ACTR3C: variants seen among roughly 807,000 people sequenced by gnomAD.
ACTR3C encodes the protein actin-related protein 3C.
ACTR3C carries 18 observed loss-of-function variants against 26.3 expected under a neutral mutation model. The observed-to-expected ratio is 0.68, with a 90% CI of 0.47 to 1.01. ACTR3C has a LOEUF of 1.01. Ranked by LOEUF, ACTR3C falls within the 50% of genes least tolerant of loss-of-function variation. ACTR3C has a pLI of 0.00. For missense variants in ACTR3C, 184 were observed against 250.7 expected (o/e 0.73, Z 1.80); for synonymous variants, 55 against 94.5 (o/e 0.58, Z 2.42).
chr7:150,279,139 C>T (rs1011736460), intron 6 of ACTR3C, among the ~76,000 whole-genome samples: 4 of 151,500 alleles, frequency 2.6e-5, no homozygotes, highest in African/African-American at 9.7e-5. Flanking sequence ...CTCAACTCTA[C>T]AAAAAAAAAT....
the ACTR3C span, among the ~76,000 whole-genome samples, chr7:149,969,229 G>A: frequency 6.9e-6 from 1 of 145,150 alleles, no homozygotes; most frequent in Non-Finnish European, 1.5e-5. Context: ...GGGAAACAAT[G>A]CCATTGGAAA....
the ACTR3C span, among the ~76,000 whole-genome samples, chr7:149,920,338 G>A: frequency 2.0e-5 from 3 of 151,694 alleles, no homozygotes; most frequent in East Asian, 2.0e-4. Context: ...CCAGAGTCTC[G>A]CTTTGTCACC....
the ACTR3C span, among the ~76,000 whole-genome samples, chr7:149,964,449 T>A: frequency 6.6e-6 from 1 of 151,716 alleles, no homozygotes; most frequent in Non-Finnish European, 1.5e-5. Flanking sequence ...GGATAAAAAA[T>A]ATAGTGGGAG....
At chr7:150,161,725 A>G in the ACTR3C span, among the ~76,000 whole-genome samples, 1 of 152,188 alleles carries the variant, frequency 6.6e-6, no homozygotes, top group Non-Finnish European at 1.5e-5. Context: ...ATGTATGTTT[A>G]TTGCAGCACT....
chr7:150,145,437 G>T, the ACTR3C span, among the ~76,000 whole-genome samples: 1 of 151,372 alleles, frequency 6.6e-6, no homozygotes, highest in Non-Finnish European at 1.5e-5. Context: ...TAGGCCTTGT[G>T]GTCTTTAATC....
the ACTR3C span, among the ~76,000 whole-genome samples, chr7:150,058,028 T>A: frequency 2.6e-5 from 4 of 152,340 alleles, no homozygotes; most frequent in East Asian, 7.7e-4. Context: ...CCATACCTTG[T>A]CCCAGATTCG....
intron 3 of ACTR3C, among the ~76,000 whole-genome samples, chr7:150,290,604 A>G (rs1172330368): frequency 6.6e-6 from 1 of 152,230 alleles, no homozygotes; most frequent in East Asian, 1.9e-4. Context: ...ATTCATTCTA[A>G]TAGCTGCATC....
At chr7:150,042,444 G>C in the ACTR3C span, among the ~76,000 whole-genome samples, 1 of 148,300 alleles carries the variant, frequency 6.7e-6, no homozygotes, top group East Asian at 2.0e-4. Flanking sequence ...CCCCTGTGAT[G>C]AGGGTGCAAA....
chr7:149,967,324 G>T, the ACTR3C span, among the ~76,000 whole-genome samples: 16 of 151,832 alleles, frequency 1.1e-4, no homozygotes, highest in African/African-American at 3.1e-4. Context: ...CATAAGCCAC[G>T]GTGCCTGGCC....
the ACTR3C span, among the ~76,000 whole-genome samples, chr7:150,003,676 A>AGT: frequency 6.7e-6 from 1 of 149,344 alleles, no homozygotes; most frequent in Non-Finnish European, 1.5e-5. Context: ...TATATAGTGC[A>AGT]GTGTGTGTGG....
intron 6 of ACTR3C, among the ~76,000 whole-genome samples, chr7:150,253,091 C>T (rs1184147151): frequency 3.9e-5 from 6 of 152,118 alleles, no homozygotes; most frequent in Non-Finnish European, 5.9e-5. Flanking sequence ...ATGACGTGTA[C>T]TTGAAGACCA....
chr7:150,032,511 C>G, the ACTR3C span, among the ~76,000 whole-genome samples: 1 of 152,172 alleles, frequency 6.6e-6, no homozygotes, highest in Non-Finnish European at 1.5e-5. Context: ...AATGAGATTT[C>G]ACATGTAGAC....
chr7:150,048,420 C>A, the ACTR3C span, among the ~76,000 whole-genome samples: 1 of 148,966 alleles, frequency 6.7e-6, no homozygotes, highest in Non-Finnish European at 1.5e-5. Flanking sequence ...CGGGGTCGCA[C>A]AAAAAGGGTG....
At chr7:150,137,291 C>T in the ACTR3C span, among the ~76,000 whole-genome samples, 2 of 152,220 alleles carry the variant, frequency 1.3e-5, no homozygotes, top group East Asian at 1.9e-4. Flanking sequence ...ACAACCTGGG[C>T]ACCTTCTCCA....
the ACTR3C span, among the ~76,000 whole-genome samples, chr7:150,214,564 C>A: frequency 6.6e-6 from 1 of 151,482 alleles, no homozygotes; most frequent in African/African-American, 2.4e-5. Context: ...CCTCAGAGAC[C>A]TGTAAAGCAA....
the ACTR3C span, among the ~76,000 whole-genome samples, chr7:150,176,927 A>G: frequency 6.6e-6 from 1 of 150,882 alleles, no homozygotes; most frequent in African/African-American, 2.5e-5. Flanking sequence ...TTATTTGTTC[A>G]TTTTGTAGTT....
chr7:150,269,293 C>T (rs1386494696), intron 6 of ACTR3C, among the ~76,000 whole-genome samples: 1 of 135,464 alleles, frequency 7.4e-6, no homozygotes, highest in Non-Finnish European at 1.6e-5. Flanking sequence ...GTTTTCCTGA[C>T]AGGGCGTTCG....
chr7:149,956,794 A>ATGTAGGGGTTGGATATCTT, the ACTR3C span, among the ~76,000 whole-genome samples: 1 of 152,144 alleles, frequency 6.6e-6, no homozygotes, highest in Non-Finnish European at 1.5e-5. Context: ...GGATAGAAGC[A>ATGTAGGGGTTGGATATCTT]GGAGTCCCAA....
At chr7:150,010,484 A>G in the ACTR3C span, among the ~76,000 whole-genome samples, 2 of 152,180 alleles carry the variant, frequency 1.3e-5, no homozygotes, top group African/African-American at 4.8e-5. Flanking sequence ...TCATGAGGTC[A>G]GGAGTTTGAG....
Sources: gnomAD v4.1 joint callset for allele counts (sites outside exome capture counted in the v4.1 genomes callset) on GRCh38, gnomAD v4.1.1 for gene constraint, MANE v1.5 for transcripts, NCBI Gene and HGNC (gene_info 2026-07-23, HGNC 2026-07-21) for gene names.